Variants in BAIAP2L2 observed in about 807,000 individuals in gnomAD.
The protein encoded by BAIAP2L2 is BAR/IMD domain containing adaptor protein 2 like 2, also known as BAR/IMD domain-containing adapter protein 2-like 2.
BAIAP2L2 carries 65 observed loss-of-function variants against 60.4 expected under a neutral mutation model. The ratio of observed to expected loss-of-function variants is 1.08; its 90% CI spans 0.88 to 1.32. The LOEUF (loss-of-function observed/expected upper bound fraction) is 1.32. BAIAP2L2 is among the 40% of genes most tolerant of loss of function. The pLI is 0.00. For synonymous variants in BAIAP2L2, 344 were observed against 301.7 expected, an observed-to-expected ratio of 1.14 and a Z score of -1.45; for missense variants, 836 against 741.2, an observed-to-expected ratio of 1.13 and a Z score of -1.48.
At chr22:38,093,384 C>T (rs1358583971) in intron 7 of BAIAP2L2, among the ~76,000 whole-genome samples, 1 of 152,154 alleles carries the variant, frequency 6.6e-6, no homozygotes, top group African/African-American at 2.4e-5. Context: ...TCCTTTATAG[C>T]AATGCACAAC....
Position 38,110,510 on chromosome 22 carries a change from C to G in BAIAP2L2, c.16G>C (p.Asp6His). Reference sequence around the variant, plus strand: ...GCCATGGTGGACCTGTAGAACTGGTCCATCTCGGGGGCCATGGAGGGGCTG... The same window carrying G: ...GCCATGGTGGACCTGTAGAACTGGTGCATCTCGGGGGCCATGGAGGGGCTG... MAPEM[D>H]QFYRSTMAIY... Residue 6 changes from aspartate (D) to histidine (H), a missense_variant, in exon 1 of 14, where the codon GAC becomes CAC. Coordinates refer to ENST00000381669, the MANE Select transcript of BAIAP2L2 (RefSeq NM_025045.6). 1 of 1,611,472 alleles carries G rather than the reference C, an allele frequency of 6.2e-7. No individual in the cohort carries two copies. Among genetic ancestry groups the G allele is most frequent in the Non-Finnish European group, 8.5e-7 (1 of 1,178,872 alleles).
intron 4 of BAIAP2L2, among the ~76,000 whole-genome samples, chr22:38,107,445 G>C (rs1257759290): frequency 1.3e-5 from 2 of 152,178 alleles, no homozygotes; most frequent in Non-Finnish European, 2.9e-5. Context: ...TGAGAAGCCT[G>C]TGTTCAGTTC....
Position 38,097,182 on chromosome 22 carries a change from G to C in BAIAP2L2, c.466-4C>G, listed in dbSNP as rs750237627. ...CGTGCAGCCGGTTCACACTCTCCTG[G>C]GGGGGAACGGGAGTTCTGGCTGGGG... On this transcript the variant is annotated splice_region_variant and splice_polypyrimidine_tract_variant and intron_variant, in intron 6 of 13. Transcript: ENST00000381669. 8 of 1,604,246 alleles carry C rather than the reference G, an allele frequency of 5.0e-6. No individual in the cohort carries two copies. The South Asian group carries it at 7.7e-5, about 15-fold the overall frequency.
chr22:38,098,183 G>C lies in BAIAP2L2; in HGVS notation c.349-4C>G. On this transcript the variant is annotated splice_polypyrimidine_tract_variant and splice_region_variant and intron_variant, in intron 5 of 13. Coordinates refer to ENST00000381669, the MANE Select transcript of BAIAP2L2 (RefSeq NM_025045.6). ...GCTCATAGTGCTGGCGGCTGTCCTG[G>C]GGTAGGGTGGAGTCGGGGAGGGAGA... The C allele has an allele frequency of 4.3e-6, 7 of 1,613,932 alleles. No individual in the cohort carries two copies. The highest frequency in any genetic ancestry group is 5.1e-6 in the Non-Finnish European group (6 of 1,179,976).
intron 4 of BAIAP2L2, among the ~76,000 whole-genome samples, chr22:38,105,443 G>A (rs1323138772): frequency 6.6e-5 from 10 of 150,504 alleles, no homozygotes; most frequent in Admixed American, 3.3e-4. Flanking sequence ...AGGTTCAAGC[G>A]ATTCTCCTGC....
At chr22:38,085,813 C>T (rs1349851619) in intron 12 of BAIAP2L2, 81 bp from the exon 13 acceptor site, 2 of 1,349,426 alleles carry the variant, frequency 1.5e-6, no homozygotes, top group Non-Finnish European at 2.0e-6. Flanking sequence ...TCTCCCCATG[C>T]CCAAGGGCAG....
chr22:38,106,771 C>T (rs976874157), intron 4 of BAIAP2L2, among the ~76,000 whole-genome samples: 7 of 152,174 alleles, frequency 4.6e-5, no homozygotes, highest in South Asian at 4.1e-4. Flanking sequence ...CATGGCTGTG[C>T]GCAGCCCGCT....
intron 4 of BAIAP2L2, among the ~76,000 whole-genome samples, chr22:38,100,741 C>G (rs2086549818): frequency 6.6e-6 from 1 of 152,112 alleles, no homozygotes; most frequent in Admixed American, 6.5e-5. Context: ...CAAAATATAC[C>G]TCTTTTCCTT....
intron 12 of BAIAP2L2, 30 bp from the exon 13 acceptor site, chr22:38,085,762 G>T (rs763959793): frequency 6.4e-7 from 1 of 1,567,356 alleles, no homozygotes; most frequent in Admixed American, 1.8e-5. Flanking sequence ...GGGCTGGTTT[G>T]GTGGGGAGAG....
intron 5 of BAIAP2L2, 31 bp from the exon 6 acceptor site, chr22:38,098,210 TC>T: frequency 3.1e-6 from 5 of 1,604,108 alleles, no homozygotes; most frequent in South Asian, 1.1e-5. Context: ...GGAGGGAGAA[TC>T]CCCCCACATC....
Position 38,108,343 on chromosome 22 carries a change from T to C in BAIAP2L2, c.128-2A>G. Reference sequence around the variant, plus strand: ...AGACCTCGGCCGCCTCGGACAGAGCTGTGGACCAGAAGGGACAGGTCTGGT... The same window carrying C: ...AGACCTCGGCCGCCTCGGACAGAGCCGTGGACCAGAAGGGACAGGTCTGGT... On this transcript the variant is annotated splice_acceptor_variant, in intron 2 of 13. Transcript: ENST00000381669. LOFTEE classifies it high-confidence loss of function. The C allele has an allele frequency of 1.2e-6, 2 of 1,611,632 alleles. No homozygotes were observed. Among genetic ancestry groups the C allele is most frequent in the African/African-American group, 1.3e-5 (1 of 75,034 alleles).
chr22:38,102,118 C>A (rs1023746036), intron 4 of BAIAP2L2, among the ~76,000 whole-genome samples: 2 of 152,084 alleles, frequency 1.3e-5, no homozygotes, highest in Non-Finnish European at 2.9e-5. Flanking sequence ...AGTCTGTGAA[C>A]AGCAGCTGAA....
At chr22:38,085,766 G>T in intron 12 of BAIAP2L2, 34 bp from the exon 13 acceptor site, 1 of 1,559,224 alleles carries the variant, frequency 6.4e-7, no homozygotes, top group Non-Finnish European at 8.7e-7. Flanking sequence ...TGGTTTGGTG[G>T]GGAGAGGGGC....
In BAIAP2L2 at chr22:38,085,713, T is replaced by C; in HGVS notation, c.1487A>G (p.Gln496Arg). Residue 496 changes from glutamine to arginine, a missense_variant, in exon 13 of 14, where the codon CAG becomes CGG. Gln to Arg is a conservative substitution (Grantham distance 43, BLOSUM62 1). Coordinates refer to ENST00000381669, the MANE Select transcript of BAIAP2L2 (RefSeq NM_025045.6). Reference protein sequence around the residue: ...TDVKKLMSSEQYPPQELFPRG... With the variant: ...TDVKKLMSSERYPPQELFPRG... The stretch of plus-strand genomic sequence containing the variant: ...CGGGAAGAGCTCCTGTGGTGGGTAC[T>C]GCTCTGAGGACATCAGTTTCTGCAG... 2 of 1,605,112 alleles carry C rather than the reference T, an allele frequency of 1.2e-6. No individual in the cohort carries two copies. Among genetic ancestry groups the C allele is most frequent in the African/African-American group, 2.7e-5 (2 of 74,568 alleles).
At chr22:38,085,516 C>CTTT in intron 13 of BAIAP2L2, 141 bp from the exon 14 acceptor site, 1 of 1,248,296 alleles carries the variant, frequency 8.0e-7, no homozygotes, top group Non-Finnish European at 1.1e-6. Context: ...CCCGCTTCAT[C>CTTT]TTTTTTTTTC....
chr22:38,095,617 G>A (rs924698433), intron 7 of BAIAP2L2, among the ~76,000 whole-genome samples: 6 of 152,058 alleles, frequency 3.9e-5, no homozygotes, highest in Non-Finnish European at 5.9e-5. Context: ...CACCCACCTC[G>A]CGCTCCCAAA....
At position 38,087,204 on chromosome 22, in the gene BAIAP2L2, C is replaced by G; in HGVS notation, c.1179G>C (p.Met393Ile). The change falls in exon 11 of 14, where the codon ATG (methionine) becomes ATC (isoleucine). Residue 393 changes from methionine to isoleucine, a missense_variant. By Grantham distance (10) the Met-to-Ile change is conservative. Coordinates refer to ENST00000381669, the MANE Select transcript of BAIAP2L2 (RefSeq NM_025045.6). Reference sequence around the variant, plus strand: ...TGGAGGTCATGGGGGTCACGGGGGTCATGGGATTCACGGGCCCCTCCTCCA... The same window carrying G: ...TGGAGGTCATGGGGGTCACGGGGGTGATGGGATTCACGGGCCCCTCCTCCA... ...KALEEGPVNP[M>I]TPVTPMTSMT... The G allele has an allele frequency of 1.2e-6, 2 of 1,604,546 alleles. No individual in the cohort carries two copies. The highest frequency in any genetic ancestry group is 1.7e-6 in the Non-Finnish European group (2 of 1,176,396).
chr22:38,097,323 G>T, intron 6 of BAIAP2L2, 145 bp from the exon 7 acceptor site: 2 of 867,202 alleles, frequency 2.3e-6, no homozygotes, highest in Non-Finnish European at 3.5e-6. Flanking sequence ...GCCCATCCTA[G>T]CTCCTGAGCC....
chr22:38,109,633 G>A (rs191903767), intron 1 of BAIAP2L2, among the ~76,000 whole-genome samples: 64 of 152,254 alleles, frequency 4.2e-4, no homozygotes, highest in African/African-American at 1.3e-3. Context: ...AGTCACCCCC[G>A]GGGCAAGGGC....
Sources: allele counts gnomAD v4.1 joint callset (sites outside exome capture counted in the v4.1 genomes callset), GRCh38; gene constraint gnomAD v4.1.1; transcripts MANE v1.5; gene names NCBI Gene and HGNC (gene_info 2026-07-23, HGNC 2026-07-21).